The following USP42 variants were observed in gnomAD, a reference collection of about 807,000 sequenced individuals.
USP42 encodes ubiquitin specific peptidase 42, also known as ubiquitin carboxyl-terminal hydrolase 42.
Under a neutral mutation model 113.0 loss-of-function variants are expected in USP42, and 23 were observed. The ratio of observed to expected loss-of-function variants is 0.20; its 90% CI spans 0.15 to 0.29. USP42 has a LOEUF of 0.29. Ranked by LOEUF, USP42 falls within the 10% of genes least tolerant of loss-of-function variation. The pLI, the probability that USP42 is intolerant of heterozygous loss-of-function variation, is 1.00. For synonymous variants in USP42, 933 were observed against 699.0 expected (o/e 1.33, Z -5.28); for missense variants, 2,174 against 1,779.8 (o/e 1.22, Z -3.99).
Position 6,159,384 on chromosome 7 carries a change from C to A in USP42, c.3944-66C>A, listed in dbSNP as rs562514857. The A allele has an allele frequency of 1.2e-6, 2 of 1,609,522 alleles. No homozygotes were observed. The highest frequency in any genetic ancestry group is 2.2e-5 in the East Asian group (1 of 44,852). On this transcript the variant is annotated intron_variant, in intron 16 of 17. Coordinates refer to ENST00000306177, the MANE Select transcript of USP42 (RefSeq NM_032172.3). The surrounding 1 kb of genome is among the most constrained non-coding windows in gnomAD (Gnocchi z 4.1). ...TGACCATAGCCACTTAACGCACACACACAGCAGAGGCCCTGGCGATTTTGC... is the reference window on the plus strand; with the variant it reads ...TGACCATAGCCACTTAACGCACACAAACAGCAGAGGCCCTGGCGATTTTGC...
intron 3 of USP42, chr7:6,116,615 C>T (rs889737200): frequency 5.6e-6 from 2 of 359,110 alleles, no homozygotes; most frequent in African/African-American, 2.2e-5. Context: ...TAAATTGGTT[C>T]TTTTAAAACT....
intron 4 of USP42, 104 bp from the exon 5 acceptor site, chr7:6,138,988 G>C (rs1248447731): frequency 1.5e-6 from 1 of 683,224 alleles, no homozygotes; most frequent in Non-Finnish European, 2.4e-6. Flanking sequence ...GTAAGTATTT[G>C]GGAGTTTTCC....
chr7:6,156,575 G>A (rs993770121), intron 15 of USP42, among the ~76,000 whole-genome samples, 179 bp from the exon 16 acceptor site: 2 of 151,918 alleles, frequency 1.3e-5, no homozygotes, highest in Admixed American at 6.6e-5. Flanking sequence ...TCAGCCTCCC[G>A]AGTAGCTGGG....
intron 3 of USP42, among the ~76,000 whole-genome samples, chr7:6,121,129 C>G (rs1248256302): frequency 6.6e-6 from 1 of 151,232 alleles, no homozygotes; most frequent in Non-Finnish European, 1.5e-5. Flanking sequence ...TGTGTAGGTT[C>G]TTTATTAATT....
At chr7:6,085,676 A>G in the USP42 span, among the ~76,000 whole-genome samples, 1 of 148,918 alleles carries the variant, frequency 6.7e-6, no homozygotes, top group Non-Finnish European at 1.5e-5. Flanking sequence ...GTGCAGTGGC[A>G]TAATCTCAGC....
At position 6,135,965 on chromosome 7, in the gene USP42, A is replaced by C. The variant is rs778281173; in HGVS notation, c.553+14A>C. Reference sequence around the variant, plus strand: ...ATGAGATGCGGCGTAAGTATTAACTATTGTAGTTTTATATTTGTATTTATT... The same window carrying C: ...ATGAGATGCGGCGTAAGTATTAACTCTTGTAGTTTTATATTTGTATTTATT... On this transcript the variant is annotated intron_variant, in intron 4 of 17. Transcript: ENST00000306177. 2 of 1,311,950 alleles carry C rather than the reference A, an allele frequency of 1.5e-6. No homozygotes were observed. Among genetic ancestry groups the C allele is most frequent in the Non-Finnish European group, 1.0e-6 (1 of 956,696 alleles). The allele number at this position is 1,311,950 out of a possible 1,614,324, so 81.3% of individuals were successfully genotyped here. A position where few individuals can be genotyped will look rare whatever the true frequency, so the allele number is the denominator to read the frequency against.
chr7:6,142,839 G>T (rs1781507304), intron 7 of USP42, 93 bp from the exon 8 acceptor site: 2 of 1,172,770 alleles, frequency 1.7e-6, no homozygotes, highest in African/African-American at 1.5e-5. Flanking sequence ...AGCTGTGATT[G>T]TGCCACTGCA....
intron 3 of USP42, among the ~76,000 whole-genome samples, chr7:6,122,515 G>C (rs1051726106): frequency 6.6e-6 from 1 of 152,016 alleles, no homozygotes; most frequent in African/African-American, 2.4e-5. Context: ...CTGTTGCCAC[G>C]CTGGAGTGCA....
At chr7:6,140,278 A>G (rs531681225) in intron 6 of USP42, 83 bp downstream of exon 6, 3 of 1,278,520 alleles carry the variant, frequency 2.3e-6, no homozygotes, top group Admixed American at 4.0e-5. Flanking sequence ...TAGTCCTACT[A>G]GGAAGGAAGG....
intron 5 of USP42, 38 bp from the exon 6 acceptor site, chr7:6,140,090 A>G (rs774175231): frequency 2.4e-5 from 39 of 1,596,290 alleles, no homozygotes; most frequent in Non-Finnish European, 3.3e-5. Context: ...GAGTTTTTGC[A>G]AAGCTCTTCT....
the USP42 span, chr7:6,089,023 ATATT>A: frequency 0.23 from 34,622 of 147,806 alleles, 4,730 homozygotes; most frequent in South Asian, 0.29. Context: ...TTTCTTTTCT[ATATT>A]TATTTATTTA....
upstream of USP42, chr7:6,104,760 C>T (rs1026091354): frequency 6.6e-6 from 1 of 152,088 alleles, no homozygotes; most frequent in African/African-American, 2.4e-5. Context: ...TCGCCCACGG[C>T]TCTTGGGCGA....
chr7:6,130,551 T>C (rs1020484064), intron 3 of USP42, among the ~76,000 whole-genome samples: 2 of 152,170 alleles, frequency 1.3e-5, no homozygotes, highest in African/African-American at 4.8e-5. Context: ...CAGGGTTTGT[T>C]CATCCAGTAT....
intron 3 of USP42, among the ~76,000 whole-genome samples, chr7:6,134,638 C>T (rs1046886105): frequency 3.3e-5 from 5 of 152,128 alleles, no homozygotes; most frequent in Non-Finnish European, 7.3e-5. Flanking sequence ...CCTGGCTTCT[C>T]CCCACTAGAT....
intron 12 of USP42, among the ~76,000 whole-genome samples, chr7:6,148,965 G>A (rs543632406): frequency 2.0e-5 from 3 of 152,186 alleles, no homozygotes; most frequent in Non-Finnish European, 2.9e-5. Context: ...CCAGTGTTAG[G>A]ATGGCAGCTA....
chr7:6,090,793 ATATATAACATATAGTTATATATATAG>A, the USP42 span, among the ~76,000 whole-genome samples: 3 of 144,904 alleles, frequency 2.1e-5, no homozygotes, highest in Non-Finnish European at 3.0e-5. Flanking sequence ...ATAACATAAT[ATATATAACATATAGTTATATATATAG>A]TATATAACAT....
At chr7:6,103,553 C>T (rs981876294), upstream of USP42, among the ~76,000 whole-genome samples, 2 of 149,430 alleles carry the variant, frequency 1.3e-5, no homozygotes, top group African/African-American at 2.5e-5. Context: ...CTTTCTGTAA[C>T]TCAGTGTGTG....
chr7:6,153,871 A>G lies in USP42; in HGVS notation c.2317A>G (p.Lys773Glu), dbSNP rs1333484488. 1 of 1,560,302 alleles carries G rather than the reference A, an allele frequency of 6.4e-7. No individual in the cohort carries two copies. Among genetic ancestry groups the G allele is most frequent in the African/African-American group, 1.4e-5 (1 of 73,152 alleles). Reference sequence around the variant, plus strand: ...TGCGGCCGCCGGCCTCAGCAGCACCAAGAAGGCTCCGCCGCCCCGCGATCC... The same window carrying G: ...TGCGGCCGCCGGCCTCAGCAGCACCGAGAAGGCTCCGCCGCCCCGCGATCC... ...PDAAAGLSST[K>E]KAPPPRDPGT... The change falls in exon 15 of 18, where the codon AAG becomes GAG. Residue 773 changes from lysine (K) to glutamate (E), a missense_variant. By Grantham distance (56) the Lys-to-Glu change is moderately conservative. Transcript: ENST00000306177.
chr7:6,088,957 G>A, the USP42 span: 3 of 151,174 alleles, frequency 2.0e-5, no homozygotes, highest in Non-Finnish European at 4.4e-5. Context: ...AAGGGCCATA[G>A]GGGAGTGCCA....
Sources: gnomAD v4.1 joint callset for allele counts (sites outside exome capture counted in the v4.1 genomes callset) on GRCh38, gnomAD v4.1.1 for gene constraint, Gnocchi (gnomAD v3.1) non-coding constraint, MANE v1.5 for transcripts, NCBI Gene and HGNC (gene_info 2026-07-23, HGNC 2026-07-21) for gene names.